DRC8: variants seen among roughly 807,000 people sequenced by gnomAD.
DRC8 encodes the protein dynein regulatory complex subunit 8, also known as dynein regulatory complex protein 8.
At chr1:244,971,589 G>A in the DRC8 span, among the ~76,000 whole-genome samples, 2 of 152,218 alleles carry the variant, frequency 1.3e-5, no homozygotes, top group Non-Finnish European at 2.9e-5. Flanking sequence ...AGGTAAACAA[G>A]TAGGAAGTGA....
the DRC8 span, among the ~76,000 whole-genome samples, chr1:245,034,993 A>T: frequency 1.2e-4 from 18 of 152,100 alleles, no homozygotes; most frequent in African/African-American, 4.3e-4. Flanking sequence ...ATCTAATGAG[A>T]GTCATTTGTA....
chr1:244,989,709 A>G, the DRC8 span, among the ~76,000 whole-genome samples: 1 of 152,152 alleles, frequency 6.6e-6, no homozygotes, highest in Non-Finnish European at 1.5e-5. Context: ...CTCAAGGAGT[A>G]TGGAGTTATG....
At chr1:245,109,084 G>A in the DRC8 span, among the ~76,000 whole-genome samples, 9 of 152,288 alleles carry the variant, frequency 5.9e-5, no homozygotes, top group Admixed American at 1.3e-4. Context: ...ACCTCTGCAC[G>A]TAACTGGAGC....
At chr1:245,037,337 A>T in the DRC8 span, among the ~76,000 whole-genome samples, 1 of 152,242 alleles carries the variant, frequency 6.6e-6, no homozygotes, top group Non-Finnish European at 1.5e-5. Context: ...CTGTGTTGGG[A>T]AGTTTATTAA....
chr1:245,099,499 C>CCAGGCCA, the DRC8 span, among the ~76,000 whole-genome samples: 1 of 152,238 alleles, frequency 6.6e-6, no homozygotes, highest in Non-Finnish European at 1.5e-5. Flanking sequence ...TGCCCCGACA[C>CCAGGCCA]CAGGCCACAG....
the DRC8 span, among the ~76,000 whole-genome samples, chr1:245,058,931 C>T: frequency 1.3e-5 from 2 of 152,160 alleles, no homozygotes; most frequent in African/African-American, 2.4e-5. Context: ...TAGGTGATCT[C>T]TCCAATCTAG....
At chr1:245,112,319 C>T in the DRC8 span, among the ~76,000 whole-genome samples, 1 of 152,260 alleles carries the variant, frequency 6.6e-6, no homozygotes, top group African/African-American at 2.4e-5. Context: ...GGCGATCTGC[C>T]TGCCTCGGCC....
At chr1:245,033,336 G>A in the DRC8 span, among the ~76,000 whole-genome samples, 2 of 152,212 alleles carry the variant, frequency 1.3e-5, no homozygotes, top group African/African-American at 2.4e-5. Context: ...CCTGCCAACT[G>A]TATTCTGCCG....
At chr1:245,093,717 GAAAAA>G in the DRC8 span, among the ~76,000 whole-genome samples, 2 of 149,188 alleles carry the variant, frequency 1.3e-5, no homozygotes, top group African/African-American at 5.0e-5. Context: ...AAAAAAGAAA[GAAAAA>G]GAAAAGAAAA....
At chr1:244,993,495 C>T in the DRC8 span, among the ~76,000 whole-genome samples, 1 of 152,192 alleles carries the variant, frequency 6.6e-6, no homozygotes, top group South Asian at 2.1e-4. Context: ...ATCTATAGAC[C>T]TGTGAACTAG....
At chr1:244,991,288 T>A in the DRC8 span, among the ~76,000 whole-genome samples, 1 of 152,072 alleles carries the variant, frequency 6.6e-6, no homozygotes, top group Non-Finnish European at 1.5e-5. Flanking sequence ...CTGAGGAGCT[T>A]CTGTTCTGTG....
chr1:245,020,578 AC>A, the DRC8 span, among the ~76,000 whole-genome samples: 1 of 133,640 alleles, frequency 7.5e-6, no homozygotes, highest in Non-Finnish European at 1.6e-5. Context: ...TTTCATTCTC[AC>A]TGTTTCCACA....
the DRC8 span, among the ~76,000 whole-genome samples, chr1:245,009,310 G>A: frequency 6.6e-6 from 1 of 151,908 alleles, no homozygotes; most frequent in East Asian, 1.9e-4. Context: ...TGGGATTACA[G>A]GCATAAGCCA....
the DRC8 span, among the ~76,000 whole-genome samples, chr1:245,081,556 T>C: frequency 6.6e-6 from 1 of 151,994 alleles, no homozygotes; most frequent in Non-Finnish European, 1.5e-5. Flanking sequence ...GCAACCTCCA[T>C]CTCCCGGGTT....
chr1:245,084,513 C>A, the DRC8 span, among the ~76,000 whole-genome samples: 1 of 152,140 alleles, frequency 6.6e-6, no homozygotes, highest in Non-Finnish European at 1.5e-5. Flanking sequence ...TATATGCATA[C>A]ACACACATAA....
At chr1:245,098,278 A>G in the DRC8 span, among the ~76,000 whole-genome samples, 1 of 152,138 alleles carries the variant, frequency 6.6e-6, no homozygotes, top group African/African-American at 2.4e-5. Flanking sequence ...CCAGACATCC[A>G]GGCTGTCTAT....
chr1:245,078,232 A>G, the DRC8 span, among the ~76,000 whole-genome samples: 13 of 152,294 alleles, frequency 8.5e-5, no homozygotes, highest in Non-Finnish European at 1.9e-4. Context: ...TGTTGGTGGG[A>G]GTGTAAATTG....
chr1:244,969,859 G>C, the DRC8 span: 1 of 418,116 alleles, frequency 2.4e-6, no homozygotes, highest in African/African-American at 2.1e-5. Context: ...CAGCCGGGCC[G>C]CTTCCCGGCG....
chr1:244,976,066 C>T, the DRC8 span, among the ~76,000 whole-genome samples: 2 of 151,526 alleles, frequency 1.3e-5, no homozygotes, highest in African/African-American at 2.4e-5. Context: ...GTCAGGAGTT[C>T]GAGACCAGCC....
Sources: allele counts gnomAD v4.1 joint callset (sites outside exome capture counted in the v4.1 genomes callset), GRCh38; gene constraint gnomAD v4.1.1; transcripts MANE v1.5; gene names NCBI Gene and HGNC (gene_info 2026-07-23, HGNC 2026-07-21).